Variants in MRPL20 observed in about 807,000 individuals in gnomAD.
MRPL20 encodes the protein large ribosomal subunit protein bL20m.
A neutral mutation model predicts 20.0 loss-of-function variants in MRPL20; 21 were observed. The observed-to-expected ratio is 1.05, with a 90% CI of 0.74 to 1.51. The LOEUF (loss-of-function observed/expected upper bound fraction) is 1.51, where lower values mean the gene tolerates loss of function less well. MRPL20 is among the 40% of genes most tolerant of loss of function. The pLI is 0.00. For synonymous variants in MRPL20, 104 were observed against 73.0 expected (o/e 1.43, Z -2.17); for missense variants, 252 against 185.6 (o/e 1.36, Z -2.08).
rs1271288488 is a variant in MRPL20, at chr1:1,401,984, TC to T, written c.*98del. 1 of 1,326,526 alleles carries T rather than the reference TC, an allele frequency of 7.5e-7. No homozygotes were observed. The highest frequency in any genetic ancestry group is 1.0e-6 in the Non-Finnish European group (1 of 962,686). The allele number at this position is 1,326,526 out of a possible 1,614,324, so 82.2% of individuals were successfully genotyped here. On this transcript the variant is annotated 3_prime_UTR_variant, in exon 4 of 4. Coordinates refer to ENST00000344843, the MANE Select transcript of MRPL20 (RefSeq NM_017971.4). ...GCTCTGTCCCAGAGAGACAGGGCCA[TC>T]CCTCATGTCTGTTATTGGGTTGTAG...
At chr1:1,405,657 G>A (rs746460726) in intron 3 of MRPL20, 152 bp downstream of exon 3, 3 of 1,352,560 alleles carry the variant, frequency 2.2e-6, no homozygotes, top group Non-Finnish European at 3.2e-6. Flanking sequence ...CACCCCATCA[G>A]CATAGCAAAC....
Position 1,402,112 on chromosome 1 carries a change from T to A in MRPL20, c.421A>T (p.Ile141Phe). Residue 141 changes from isoleucine (I) to phenylalanine (F), a missense_variant, in exon 4 of 4, where the codon ATT (isoleucine) becomes TTT (phenylalanine). By Grantham distance (21) the Ile-to-Phe change is conservative (BLOSUM62 0). Coordinates refer to ENST00000344843, the MANE Select transcript of MRPL20 (RefSeq NM_017971.4). ...ALGDGKEPEG[I>F]FSRVVQYH The stretch of plus-strand genomic sequence containing the variant: ...TGGTACTGCACCACTCTGGAAAAAA[T>A]GCCTTCAGGTTCCTTCCCATCCCCC... The A allele has an allele frequency of 6.2e-7, 1 of 1,614,060 alleles. No individual in the cohort carries two copies. Among genetic ancestry groups the A allele is most frequent in the Non-Finnish European group, 8.5e-7 (1 of 1,180,000 alleles).
chr1:1,402,455 G>A (rs1645340970), intron 3 of MRPL20, 199 bp from the exon 4 acceptor site: 1 of 1,355,884 alleles, frequency 7.4e-7, no homozygotes, highest in Non-Finnish European at 9.5e-7. Flanking sequence ...ACGGGTGAGG[G>A]AAGCACCTGT....
At position 1,407,059 on chromosome 1, in the gene MRPL20, C is replaced by CGGGG. The variant is rs759665519; in HGVS notation, c.88-41_88-40insCCCC. On this transcript the variant is annotated intron_variant, in intron 1 of 3. Coordinates refer to ENST00000344843, the MANE Select transcript of MRPL20 (RefSeq NM_017971.4). ...GAGAAACCAGGGTTGTCAGCGGGGC[C>CGGGG]CGCGCCGGCCGCCCCTTGGCCCGCG... The CGGGG allele has an allele frequency of 1.3e-5, 21 of 1,609,484 alleles. No homozygotes were observed. The East Asian group carries it at 1.3e-4, about 10-fold the overall frequency.
chr1:1,405,935 T>G (rs753398565), intron 2 of MRPL20, 49 bp from the exon 3 acceptor site: 1 of 1,582,904 alleles, frequency 6.3e-7, no homozygotes, highest in Non-Finnish European at 8.6e-7. Context: ...CTGGATGTTA[T>G]GTCCCAGCAA....
At chr1:1,406,540 T>G in intron 2 of MRPL20, 3 of 284,750 alleles carry the variant, frequency 1.1e-5, no homozygotes, top group Non-Finnish European at 2.1e-5. Flanking sequence ...CGGCAGCAGA[T>G]AGTAGCCCTG....
Position 1,406,953 on chromosome 1 carries a change from T to C in MRPL20, c.154A>G (p.Lys52Glu). Residue 52 changes from lysine to glutamate, a missense_variant, in exon 2 of 4, where the codon AAA becomes GAA. Physicochemically the swap from Lys to Glu is moderately conservative, Grantham distance 56 (BLOSUM62 1). Coordinates refer to ENST00000344843, the MANE Select transcript of MRPL20 (RefSeq NM_017971.4). ...AVRTVIRAFV[K>E]CTKARYLKKK... is the part of the protein sequence containing the mutation. ...TTCAGGTATCGGGCTTTGGTGCATT[T>C]CACAAAGGCTCGAATCACGGTTCTG... 6.2e-7 allele frequency: 1 copy of C among 1,613,812 alleles called. No individual in the cohort carries two copies. The highest frequency in any genetic ancestry group is 8.5e-7 in the Non-Finnish European group (1 of 1,179,778).
intron 3 of MRPL20, 110 bp from the exon 4 acceptor site, chr1:1,402,366 G>A: frequency 6.9e-7 from 1 of 1,444,584 alleles, no homozygotes; most frequent in Non-Finnish European, 9.1e-7. Context: ...CGCCTGGGGG[G>A]AGGGAAGGCC....
Position 1,407,156 on chromosome 1 carries a change from A to C in MRPL20, c.62T>G (p.Ile21Ser). The change falls in exon 1 of 4, where the codon ATC becomes AGC. Residue 21 changes from isoleucine to serine, a missense_variant. Physicochemically the swap from Ile to Ser is moderately radical, Grantham distance 142 (BLOSUM62 -2). Coordinates refer to ENST00000344843, the MANE Select transcript of MRPL20 (RefSeq NM_017971.4). The part of the protein sequence containing the change: ...RNRVTDRYFR[I>S]QEVLKHARHF... The stretch of plus-strand genomic sequence containing the variant: ...CCTGGCGTGCTTCAGCACCTCCTGG[A>C]TCCGAAAGTAGCGGTCGGTGACGCG... The C allele has an allele frequency of 6.2e-7, 1 of 1,608,334 alleles. No individual in the cohort carries two copies. Among genetic ancestry groups the C allele is most frequent in the Non-Finnish European group, 8.5e-7 (1 of 1,177,548 alleles).
intron 3 of MRPL20, 119 bp downstream of exon 3, chr1:1,405,690 A>C: frequency 6.5e-7 from 1 of 1,550,166 alleles, no homozygotes; most frequent in Non-Finnish European, 8.9e-7. Context: ...GTCAGTCTCC[A>C]GGGATCCTCT....
chr1:1,406,890 G>A lies in MRPL20; in HGVS notation c.198+19C>T. ...GCCGCGAGTGCGCTGGCCGGCGGGTGTCCCGGGTCCACGCTTACGGTCCTC... is the reference window on the plus strand; with the variant it reads ...GCCGCGAGTGCGCTGGCCGGCGGGTATCCCGGGTCCACGCTTACGGTCCTC... On this transcript the variant is annotated intron_variant, in intron 2 of 3. Transcript: ENST00000344843. 1 of 1,601,256 alleles carries A rather than the reference G, an allele frequency of 6.2e-7. No individual in the cohort carries two copies. Among genetic ancestry groups the A allele is most frequent in the Non-Finnish European group, 8.6e-7 (1 of 1,168,882 alleles).
chr1:1,404,340 G>C (rs1340643942), intron 3 of MRPL20, among the ~76,000 whole-genome samples: 1 of 151,514 alleles, frequency 6.6e-6, no homozygotes, highest in Admixed American at 6.6e-5. Context: ...ATTTTTAGTA[G>C]AGTCGGGGTT....
Position 1,406,679 on chromosome 1 carries a change from G to A in MRPL20, c.198+230C>T, listed in dbSNP as rs561829259. On this transcript the variant is annotated intron_variant, in intron 2 of 3. Transcript: ENST00000344843. Reference sequence around the variant, plus strand: ...AGAGTGTCAAGGCGGCTCTGCAGTGGCCCGGGCGAGGGGCTGGAGCAGGGG... The same window carrying A: ...AGAGTGTCAAGGCGGCTCTGCAGTGACCCGGGCGAGGGGCTGGAGCAGGGG... The A allele has an allele frequency of 3.6e-5, 20 of 563,378 alleles. 1 individual carries two copies. In the South Asian group the frequency reaches 3.7e-4, roughly 10 times the overall value. 34.9% of individuals were successfully genotyped at this position (563,378 alleles called of 1,614,324 possible).
At chr1:1,402,705 C>A in intron 3 of MRPL20, 3 of 868,598 alleles carry the variant, frequency 3.5e-6, no homozygotes, top group Non-Finnish European at 2.8e-6. Context: ...GCTACCAAGG[C>A]AGGGCACGGT....
intron 3 of MRPL20, chr1:1,405,458 G>A (rs1174215220): frequency 1.7e-6 from 1 of 594,214 alleles, no homozygotes; most frequent in Non-Finnish European, 3.0e-6. Flanking sequence ...TTATTTTTTT[G>A]TAGAGAGTGG....
intron 3 of MRPL20, 180 bp from the exon 4 acceptor site, chr1:1,402,436 A>C: frequency 7.3e-7 from 1 of 1,376,328 alleles, no homozygotes; most frequent in East Asian, 2.7e-5. Context: ...CTGAAGGATA[A>C]ATGTGGACAC....
intron 1 of MRPL20, 33 bp from the exon 2 acceptor site, chr1:1,407,052 G>C: frequency 1.2e-6 from 2 of 1,610,808 alleles, no homozygotes; most frequent in Non-Finnish European, 1.7e-6. Flanking sequence ...AGGGTTGTCA[G>C]CGGGGCCCGC....
At chr1:1,406,225 C>T in intron 2 of MRPL20, 2 of 241,112 alleles carry the variant, frequency 8.3e-6, no homozygotes, top group South Asian at 5.1e-5. Flanking sequence ...GTGGCGCACA[C>T]CTGCAGTCAC....
In MRPL20 at chr1:1,402,061, C is replaced by A. The variant is rs1383664587; in HGVS notation, c.*22G>T. ...ACTGCAAATTACTCTGTCTCTTTTC[C>A]TAATCAATACAGCAACAGTCCTCAG... On this transcript the variant is annotated 3_prime_UTR_variant, in exon 4 of 4. Coordinates refer to ENST00000344843, the MANE Select transcript of MRPL20 (RefSeq NM_017971.4). 3.8e-6 allele frequency: 6 copies of A among 1,586,822 alleles called. No individual in the cohort carries two copies. The East Asian group carries it at 1.3e-4, about 36-fold the overall frequency.
Sources: allele counts gnomAD v4.1 joint callset (sites outside exome capture counted in the v4.1 genomes callset), GRCh38; gene constraint gnomAD v4.1.1; transcripts MANE v1.5; gene names NCBI Gene and HGNC (gene_info 2026-07-23, HGNC 2026-07-21).